The following SCD5 variants were observed in gnomAD, a reference collection of about 807,000 sequenced individuals.
SCD5 encodes the protein stearoyl-CoA desaturase 5, also known as acyl-CoA-desaturase 4.
In SCD5, 20 loss-of-function variants were observed where a neutral mutation model predicts 30.4. The observed-to-expected ratio is 0.66, with a 90% CI of 0.46 to 0.96. The LOEUF (loss-of-function observed/expected upper bound fraction) is 0.96, where lower values mean the gene tolerates loss of function less well. Among genes scored for constraint, SCD5 ranks in the 40% least tolerant of loss-of-function variants. The pLI, the probability that SCD5 is intolerant of heterozygous loss-of-function variation, is 0.00. For synonymous variants in SCD5, 173 were observed against 176.4 expected, an observed-to-expected ratio of 0.98 and a Z score of 0.16; for missense variants, 381 against 443.3, an observed-to-expected ratio of 0.86 and a Z score of 1.26.
chr4:82,703,868 AATT>A (rs1719911227), intron 2 of SCD5, among the ~76,000 whole-genome samples: 1 of 152,242 alleles, frequency 6.6e-6, no homozygotes, highest in Admixed American at 6.5e-5. Context: ...GACCTAAGTC[AATT>A]ATTATTTTGA....
At chr4:82,685,868 TA>T (rs1210177834) in intron 2 of SCD5, among the ~76,000 whole-genome samples, 1 of 152,190 alleles carries the variant, frequency 6.6e-6, no homozygotes, top group African/African-American at 2.4e-5. Flanking sequence ...TGCTGTACAT[TA>T]TTTTTTTTCC....
At chr4:82,699,336 C>T (rs1029574198) in intron 2 of SCD5, among the ~76,000 whole-genome samples, 5 of 152,150 alleles carry the variant, frequency 3.3e-5, no homozygotes, top group East Asian at 1.9e-4. Context: ...TCTGTTTTCT[C>T]GCCTATCAAA....
At chr4:82,725,522 G>A (rs866141400) in intron 1 of SCD5, among the ~76,000 whole-genome samples, 1 of 152,042 alleles carries the variant, frequency 6.6e-6, no homozygotes, top group Admixed American at 6.6e-5. Flanking sequence ...TACTGTCACA[G>A]CATTAGCTCA....
intron 2 of SCD5, among the ~76,000 whole-genome samples, chr4:82,700,563 GA>G (rs1247893050): frequency 6.6e-6 from 1 of 151,888 alleles, no homozygotes; most frequent in Non-Finnish European, 1.5e-5. Context: ...TGTTGAAAGA[GA>G]AAAATCCACC....
intron 1 of SCD5, among the ~76,000 whole-genome samples, chr4:82,783,889 C>G (rs1264521057): frequency 2.0e-5 from 3 of 151,390 alleles, no homozygotes; most frequent in African/African-American, 7.3e-5. Context: ...ATTTTGATAA[C>G]TGTGCTGTGG....
chr4:82,701,334 CAAAT>C (rs1319158204), intron 2 of SCD5, among the ~76,000 whole-genome samples: 1 of 151,692 alleles, frequency 6.6e-6, no homozygotes, highest in African/African-American at 2.4e-5. Flanking sequence ...GTAGAATACA[CAAAT>C]AAAAAGTAAG....
intron 1 of SCD5, among the ~76,000 whole-genome samples, chr4:82,726,417 CAAAAAAAAAA>C (rs398051208): frequency 2.8e-5 from 3 of 108,826 alleles, no homozygotes; most frequent in Admixed American, 1.9e-4. Flanking sequence ...AACTCTGTCT[CAAAAAAAAAA>C]AAAAAAAACA....
At chr4:82,638,871 G>A (rs1213031427) in intron 3 of SCD5, among the ~76,000 whole-genome samples, 1 of 152,218 alleles carries the variant, frequency 6.6e-6, no homozygotes, top group Admixed American at 6.5e-5. Context: ...ACCTTTATAT[G>A]TATTGACTCA....
At chr4:82,717,804 T>A (rs1398245398) in intron 1 of SCD5, among the ~76,000 whole-genome samples, 2 of 151,444 alleles carry the variant, frequency 1.3e-5, no homozygotes, top group African/African-American at 4.9e-5. Context: ...TAATCCCAGA[T>A]ACTTGGGAGG....
intron 1 of SCD5, among the ~76,000 whole-genome samples, chr4:82,723,051 C>T (rs551519812): frequency 9.2e-5 from 12 of 130,744 alleles, no homozygotes; most frequent in South Asian, 7.3e-4. Flanking sequence ...CACTCCAGCC[C>T]GGGTGACAAG....
chr4:82,734,149 G>A (rs1263538464), intron 1 of SCD5, among the ~76,000 whole-genome samples: 1 of 152,222 alleles, frequency 6.6e-6, no homozygotes, highest in South Asian at 2.1e-4. Flanking sequence ...GGGCAAGAAG[G>A]ATCAGACCAG....
chr4:82,781,338 C>A (rs550792102), intron 1 of SCD5, among the ~76,000 whole-genome samples: 1 of 151,916 alleles, frequency 6.6e-6, no homozygotes, highest in African/African-American at 2.4e-5. Context: ...ATAGCTTGAA[C>A]CCGGGAGGCA....
At position 82,798,784 on chromosome 4, in the gene SCD5, A is replaced by C; in HGVS notation, c.-247T>G. ...TCCCCCATATGGCTGCCCGGGCTGA[A>C]CTCGGCCGCGAGAAAGAGGAGGCGC... On this transcript the variant is annotated 5_prime_UTR_variant, in exon 1 of 5. Coordinates refer to ENST00000319540, the MANE Select transcript of SCD5 (RefSeq NM_001037582.3). 10 of 424,398 alleles carry C rather than the reference A, an allele frequency of 2.4e-5. No individual in the cohort carries two copies. The highest frequency in any genetic ancestry group is 6.1e-4 in the Middle Eastern group (1 of 1,650). The allele number at this position is 424,398 out of a possible 1,614,324, so 26.3% of individuals were successfully genotyped here. A position where few individuals can be genotyped will look rare whatever the true frequency, so the allele number is the denominator to read the frequency against.
chr4:82,734,287 G>C (rs191064627), intron 1 of SCD5, among the ~76,000 whole-genome samples: 1 of 152,256 alleles, frequency 6.6e-6, no homozygotes, highest in Non-Finnish European at 1.5e-5. Context: ...CACTTCCAAA[G>C]AAACCCAAAC....
intron 1 of SCD5, among the ~76,000 whole-genome samples, chr4:82,757,647 C>A (rs1401776481): frequency 1.3e-5 from 2 of 152,134 alleles, no homozygotes; most frequent in Admixed American, 1.3e-4. Context: ...GGGCACATAT[C>A]CCGGCTCCCG....
chr4:82,639,922 G>A (rs1727506554), intron 3 of SCD5, among the ~76,000 whole-genome samples: 1 of 152,212 alleles, frequency 6.6e-6, no homozygotes, highest in Non-Finnish European at 1.5e-5. Context: ...AAAGAAGAGG[G>A]AGAGAAACAC....
chr4:82,785,875 A>G (rs530543525), intron 1 of SCD5, among the ~76,000 whole-genome samples: 199 of 152,312 alleles, frequency 1.3e-3, no homozygotes, highest in African/African-American at 4.4e-3. Flanking sequence ...CCAGGGCAAA[A>G]CAAATGTTTC....
At chr4:82,798,165 G>A in intron 1 of SCD5, 141 bp downstream of exon 1, 2 of 940,046 alleles carry the variant, frequency 2.1e-6, no homozygotes, top group Non-Finnish European at 2.6e-6. Flanking sequence ...TGCCAAGGGG[G>A]CCGCGGCGCG....
chr4:82,665,019 A>G lies in SCD5; in HGVS notation c.569+15688T>C, dbSNP rs1191529466. On this transcript the variant is annotated intron_variant, in intron 3 of 4. Transcript: ENST00000319540. ...TCTCTCTATATATATATATATATAT[A>G]TGTATAATACACACACACACACACA... Among the ~76,000 whole-genome samples, 6 of 111,514 alleles carry G rather than the reference A, an allele frequency of 5.4e-5. 2 individuals are homozygous for G. The highest frequency in any genetic ancestry group is 6.8e-4 in the South Asian group (2 of 2,938). 73.2% of individuals were successfully genotyped at this position (111,514 alleles called of 152,430 possible).
Sources: allele counts gnomAD v4.1 joint callset (sites outside exome capture counted in the v4.1 genomes callset), GRCh38; gene constraint gnomAD v4.1.1; transcripts MANE v1.5; gene names NCBI Gene and HGNC (gene_info 2026-07-23, HGNC 2026-07-21).